The following ZNF519 variants were observed in gnomAD, a reference collection of about 807,000 sequenced individuals.
The protein encoded by ZNF519 is zinc finger protein 519.
Under a neutral mutation model 7.4 loss-of-function variants are expected in ZNF519, and 7 were observed. The observed-to-expected ratio is 0.94, with a 90% CI of 0.54 to 1.77. The LOEUF is 1.77. Among genes scored for constraint, ZNF519 ranks in the 40% most tolerant of loss-of-function variants. The pLI is 0.00. For synonymous variants in ZNF519, 179 were observed against 203.3 expected (o/e 0.88, Z 1.02); for missense variants, 586 against 623.1 (o/e 0.94, Z 0.63).
In ZNF519 at chr18:14,104,233, A is replaced by G. The variant is rs1159173840; in HGVS notation, c.*684T>C. On this transcript the variant is annotated 3_prime_UTR_variant, in exon 3 of 3. Transcript: ENST00000590202. ...CAAGACCTTTTAATGGGTAGTTGGTAAAACTATTCATATCTAAAACTCAGA... is the reference window on the plus strand; with the variant it reads ...CAAGACCTTTTAATGGGTAGTTGGTGAAACTATTCATATCTAAAACTCAGA... 2 of 152,216 alleles carry G rather than the reference A, an allele frequency of 1.3e-5. No homozygotes were observed. The highest frequency in any genetic ancestry group is 1.5e-5 in the Non-Finnish European group (1 of 68,032). The allele number at this position is 152,216 out of a possible 1,614,324, so 9.4% of individuals were successfully genotyped here. A position where few individuals can be genotyped will look rare whatever the true frequency, so the allele number is the denominator to read the frequency against.
At chr18:14,088,619 G>C (rs1279839797) in intron 2 of ZNF519, among the ~76,000 whole-genome samples, 2 of 152,066 alleles carry the variant, frequency 1.3e-5, no homozygotes, top group African/African-American at 4.8e-5. Context: ...TCAAAGAAAA[G>C]ATAAAAGTTG....
downstream of ZNF519, among the ~76,000 whole-genome samples, chr18:14,096,072 A>AC (rs1271711260): frequency 1.3e-5 from 2 of 152,188 alleles, no homozygotes; most frequent in Non-Finnish European, 2.9e-5. Context: ...CAGAGGTGTC[A>AC]CCTACAGGAC....
downstream of ZNF519, chr18:14,074,791 T>A (rs916566167): frequency 1.0e-4 from 16 of 152,416 alleles, no homozygotes; most frequent in African/African-American, 3.9e-4. Flanking sequence ...TTGAGCCATC[T>A]CAAGTATTCC....
chr18:14,091,906 A>G lies in ZNF519; in HGVS notation c.131-6830T>C, dbSNP rs890991545. On this transcript the variant is annotated intron_variant and NMD_transcript_variant, in intron 2 of 4. Transcript: ENST00000587419. ...TATGAATGTGGTGGGTGTGAGAACC[A>G]GCCTGAGGTCAGAGTGGCTTGAATT... is the stretch of plus-strand genomic sequence containing the variant. 2.0e-5 allele frequency among the ~76,000 whole-genome samples: 3 copies of G among 152,318 alleles called. No individual in the cohort carries two copies. The South Asian group carries it at 6.2e-4, about 32-fold the overall frequency.
At chr18:14,083,440 C>T (rs16941560) in intron 3 of ZNF519, among the ~76,000 whole-genome samples, 75,380 of 152,074 alleles carry the variant, frequency 0.5, 19,037 homozygotes, top group Non-Finnish European at 0.51. Context: ...AAGGTTTCCA[C>T]GGGATGGATA....
chr18:14,109,243 C>A (rs577354949), intron 2 of ZNF519, among the ~76,000 whole-genome samples: 125 of 152,180 alleles, frequency 8.2e-4, no homozygotes, highest in Non-Finnish European at 1.5e-3. Context: ...GCTAAAGAGA[C>A]AGGCCCCAAT....
Position 14,104,863 on chromosome 18 carries a change from A to C in ZNF519, c.*54T>G. ...CAGTATTGATTTTCTAATGTTGAGTAAGGTGTGAGCACCAGTTTAGGGTTT... is the reference window on the plus strand; with the variant it reads ...CAGTATTGATTTTCTAATGTTGAGTCAGGTGTGAGCACCAGTTTAGGGTTT... On this transcript the variant is annotated 3_prime_UTR_variant, in exon 3 of 3. Transcript: ENST00000590202. 1.4e-6 allele frequency: 2 copies of C among 1,457,072 alleles called. No homozygotes were observed. Among genetic ancestry groups the C allele is most frequent in the South Asian group, 1.7e-5 (1 of 59,522 alleles). 90.3% of individuals were successfully genotyped at this position (1,457,072 alleles called of 1,614,324 possible).
chr18:14,113,672 T>C (rs1278448280), intron 2 of ZNF519, among the ~76,000 whole-genome samples: 2 of 151,860 alleles, frequency 1.3e-5, no homozygotes, highest in African/African-American at 2.4e-5. Context: ...TTGGGGTTGC[T>C]AGGTAGTATA....
At chr18:14,073,159 G>T (rs2046034176), downstream of ZNF519, 1 of 151,988 alleles carries the variant, frequency 6.6e-6, no homozygotes, top group South Asian at 2.1e-4. Context: ...ATAAATTCAG[G>T]TTTGTCTATT....
At chr18:14,129,181 C>T (rs2046317293) in intron 1 of ZNF519, among the ~76,000 whole-genome samples, 1 of 152,120 alleles carries the variant, frequency 6.6e-6, no homozygotes, top group East Asian at 1.9e-4. Context: ...TCAGGTAGTC[C>T]AAGAAACCTG....
intron 1 of ZNF519, among the ~76,000 whole-genome samples, chr18:14,128,008 A>G (rs2046309156): frequency 6.6e-6 from 1 of 151,778 alleles, no homozygotes. Context: ...ACTCTCCACC[A>G]GCCGGGCGCG....
intron 2 of ZNF519, among the ~76,000 whole-genome samples, chr18:14,109,569 A>G (rs1328208417): frequency 2.0e-5 from 3 of 152,186 alleles, no homozygotes; most frequent in Non-Finnish European, 4.4e-5. Flanking sequence ...AAGTTTTGAA[A>G]TTATATAAAT....
intron 3 of ZNF519, chr18:14,083,054 T>G (rs752984171): frequency 2.6e-5 from 4 of 152,194 alleles, no homozygotes; most frequent in Non-Finnish European, 5.9e-5. Context: ...TTTTGTGTTT[T>G]TAAAAAAAGA....
intron 2 of ZNF519, among the ~76,000 whole-genome samples, chr18:14,121,421 GT>G (rs1365931411): frequency 1.3e-5 from 2 of 151,680 alleles, no homozygotes; most frequent in Admixed American, 6.6e-5. Context: ...ATTTCACAAC[GT>G]ATACACATAT....
Position 14,105,490 on chromosome 18 carries a change from A to C in ZNF519, c.1050T>G (p.Cys350Trp). ...TGTTAAAGGCTTTGCCACATTCTTCACATTTGAAAGCTCTCTCTCCAGTAT... is the reference window on the plus strand; with the variant it reads ...TGTTAAAGGCTTTGCCACATTCTTCCCATTTGAAAGCTCTCTCTCCAGTAT... The part of the protein sequence containing the change: ...RIHTGERAFK[C>W]EECGKAFNRG... Residue 350 changes from cysteine (C) to tryptophan (W), a missense_variant, in exon 3 of 3, where the codon TGT becomes TGG. Cys to Trp is a radical substitution (Grantham distance 215, BLOSUM62 -2). Transcript: ENST00000590202. 6.2e-7 allele frequency: 1 copy of C among 1,613,920 alleles called. No individual in the cohort carries two copies. The highest frequency in any genetic ancestry group is 8.5e-7 in the Non-Finnish European group (1 of 1,179,964).
chr18:14,095,938 G>T (rs1018255143), downstream of ZNF519, among the ~76,000 whole-genome samples: 4 of 152,228 alleles, frequency 2.6e-5, no homozygotes, highest in Non-Finnish European at 4.4e-5. Flanking sequence ...AGGCTGACAT[G>T]GCCTGTCTGC....
intron 1 of ZNF519, among the ~76,000 whole-genome samples, chr18:14,130,195 A>C (rs1436312567): frequency 2.2e-5 from 2 of 92,566 alleles, no homozygotes; most frequent in East Asian, 4.1e-4. Context: ...TCCGATGGTC[A>C]AAAAAAAAAA....
intron 2 of ZNF519, chr18:14,085,176 A>G (rs1440847748): frequency 6.6e-6 from 1 of 152,178 alleles, no homozygotes; most frequent in Non-Finnish European, 1.5e-5. Flanking sequence ...ACACCTTTCA[A>G]ATACATCCAC....
Position 14,105,063 on chromosome 18 carries a change from A to G in ZNF519, c.1477T>C (p.Cys493Arg), listed in dbSNP as rs1014924628. Residue 493 changes from cysteine to arginine, a missense_variant, in exon 3 of 3, where the codon TGT becomes CGT. Physicochemically the swap from Cys to Arg is radical, Grantham distance 180 (BLOSUM62 -3). Coordinates refer to ENST00000590202, the MANE Select transcript of ZNF519 (RefSeq NM_145287.4). ...GAGCTCCTGGTAAAAGCTTTGCCACATTCTTTACATTTGAAGAATTTCTCT... is the reference window on the plus strand; with the variant it reads ...GAGCTCCTGGTAAAAGCTTTGCCACGTTCTTTACATTTGAAGAATTTCTCT... ...TGEKFFKCKE[C>R]GKAFTRSSHL... is the part of the protein sequence containing the mutation. 2.5e-6 allele frequency: 4 copies of G among 1,611,938 alleles called. No individual in the cohort carries two copies. Among genetic ancestry groups the G allele is most frequent in the East Asian group, 2.2e-5 (1 of 44,868 alleles).
Sources: allele counts gnomAD v4.1 joint callset (sites outside exome capture counted in the v4.1 genomes callset), GRCh38; gene constraint gnomAD v4.1.1; transcripts MANE v1.5; gene names NCBI Gene and HGNC (gene_info 2026-07-23, HGNC 2026-07-21).